Variants in VDAC1 observed in about 807,000 individuals in gnomAD.
VDAC1 encodes non-selective voltage-gated ion channel VDAC1.
Under a neutral mutation model 34.7 loss-of-function variants are expected in VDAC1, and 10 were observed. The observed-to-expected ratio is 0.29, with a 90% CI of 0.18 to 0.49. The LOEUF is 0.49. Among genes scored for constraint, VDAC1 ranks in the 20% least tolerant of loss-of-function variants. VDAC1 has a pLI of 0.99. For synonymous variants in VDAC1, 130 were observed against 136.0 expected (o/e 0.96, Z 0.30); for missense variants, 230 against 347.9 (o/e 0.66, Z 2.69).
At chr5:134,111,503 A>G in the VDAC1 span, among the ~76,000 whole-genome samples, 84 of 152,240 alleles carry the variant, frequency 5.5e-4, no homozygotes, top group Middle Eastern at 0.014. Context: ...ATCTGAGCCA[A>G]TTCCCAGAAC....
chr5:134,079,157 T>G, the VDAC1 span, among the ~76,000 whole-genome samples: 1 of 151,830 alleles, frequency 6.6e-6, no homozygotes, highest in African/African-American at 2.4e-5. Flanking sequence ...TGTTAATCTT[T>G]TTGTAGAGTC....
At chr5:134,111,928 C>A in the VDAC1 span, among the ~76,000 whole-genome samples, 1 of 152,144 alleles carries the variant, frequency 6.6e-6, no homozygotes, top group African/African-American at 2.4e-5. Flanking sequence ...AATGGGGATA[C>A]GAGTCCCTAT....
chr5:134,077,237 G>A, the VDAC1 span, among the ~76,000 whole-genome samples: 1 of 140,344 alleles, frequency 7.1e-6, no homozygotes, highest in Non-Finnish European at 1.5e-5. Context: ...AGATTGCATC[G>A]CTGCACTCCA....
chr5:134,043,782 C>T, the VDAC1 span, among the ~76,000 whole-genome samples: 4 of 152,306 alleles, frequency 2.6e-5, no homozygotes, highest in South Asian at 8.3e-4. Context: ...ATCCACCCAT[C>T]TTGGCCTCTC....
the VDAC1 span, among the ~76,000 whole-genome samples, chr5:134,056,599 C>T: frequency 2.6e-5 from 4 of 152,294 alleles, no homozygotes; most frequent in East Asian, 3.9e-4. Context: ...GCCACTGCAC[C>T]AGCCCCAGTG....
the VDAC1 span, among the ~76,000 whole-genome samples, chr5:134,098,406 G>C: frequency 6.6e-6 from 1 of 151,442 alleles, no homozygotes; most frequent in South Asian, 2.1e-4. Flanking sequence ...TGTATTTTTG[G>C]TAGAGACAAG....
chr5:134,047,013 T>C, the VDAC1 span, among the ~76,000 whole-genome samples: 1 of 152,004 alleles, frequency 6.6e-6, no homozygotes, highest in African/African-American at 2.4e-5. Flanking sequence ...CTAATTCAGG[T>C]AGAAGTGGGA....
At chr5:134,095,171 C>A in the VDAC1 span, among the ~76,000 whole-genome samples, 1 of 152,116 alleles carries the variant, frequency 6.6e-6, no homozygotes, top group African/African-American at 2.4e-5. Flanking sequence ...ATTTAACATG[C>A]AAATATACGT....
chr5:134,109,631 G>A, the VDAC1 span, among the ~76,000 whole-genome samples: 8 of 152,076 alleles, frequency 5.3e-5, no homozygotes, highest in East Asian at 7.7e-4. Flanking sequence ...TTAGCCGAGC[G>A]TGGTGGCAGG....
At chr5:134,039,300 G>A in the VDAC1 span, among the ~76,000 whole-genome samples, 1 of 152,124 alleles carries the variant, frequency 6.6e-6, no homozygotes, top group Non-Finnish European at 1.5e-5. Flanking sequence ...TCACTGGTCT[G>A]GAATGGCCCC....
At chr5:134,083,190 C>CTTTT in the VDAC1 span, among the ~76,000 whole-genome samples, 37 of 125,516 alleles carry the variant, frequency 2.9e-4, no homozygotes, top group African/African-American at 1.1e-3. Context: ...CTTTTTTTTT[C>CTTTT]TTTTTTTTTT....
the VDAC1 span, among the ~76,000 whole-genome samples, chr5:134,059,082 A>T: frequency 6.6e-6 from 1 of 152,226 alleles, no homozygotes; most frequent in Non-Finnish European, 1.5e-5. Flanking sequence ...GCAACAGGCC[A>T]TGAGTCACAA....
the VDAC1 span, among the ~76,000 whole-genome samples, chr5:134,100,681 G>A: frequency 6.6e-6 from 1 of 152,226 alleles, no homozygotes; most frequent in African/African-American, 2.4e-5. Context: ...AGACTCCGTC[G>A]GGGAATCCCC....
chr5:134,109,770 CAAAAAAAAAAAA>C, the VDAC1 span, among the ~76,000 whole-genome samples: 1 of 140,286 alleles, frequency 7.1e-6, no homozygotes. Flanking sequence ...GGCTCCATCT[CAAAAAAAAAAAA>C]AAAAAAAAAA....
At chr5:134,085,391 C>G in the VDAC1 span, among the ~76,000 whole-genome samples, 2 of 151,976 alleles carry the variant, frequency 1.3e-5, no homozygotes, top group Admixed American at 6.6e-5. Context: ...CTTAAGAAAC[C>G]TGGGAAGCCA....
chr5:134,102,378 A>C, the VDAC1 span, among the ~76,000 whole-genome samples: 5,819 of 151,622 alleles, frequency 0.038, 368 homozygotes, highest in African/African-American at 0.13. Flanking sequence ...CATTTTAAAA[A>C]TAATATTAGG....
chr5:133,994,380 G>T (rs534474203), intron 1 of VDAC1, among the ~76,000 whole-genome samples: 2 of 152,358 alleles, frequency 1.3e-5, no homozygotes, highest in South Asian at 4.1e-4. Flanking sequence ...AGACAGAAGA[G>T]CAGCGAGCTG....
chr5:134,079,740 G>A, the VDAC1 span, among the ~76,000 whole-genome samples: 2 of 152,134 alleles, frequency 1.3e-5, no homozygotes, highest in African/African-American at 4.8e-5. Context: ...TCCCAGGTGA[G>A]TTGCTGCCCC....
chr5:133,998,948 C>A (rs1173283012), intron 1 of VDAC1, among the ~76,000 whole-genome samples: 1 of 152,146 alleles, frequency 6.6e-6, no homozygotes, highest in Admixed American at 6.5e-5. Context: ...GCGGTTCCTG[C>A]ACTAAGCACC....
Sources: gnomAD v4.1 joint callset for allele counts (sites outside exome capture counted in the v4.1 genomes callset) on GRCh38, gnomAD v4.1.1 for gene constraint, MANE v1.5 for transcripts, NCBI Gene and HGNC (gene_info 2026-07-23, HGNC 2026-07-21) for gene names.